TEX14: variants seen among roughly 807,000 people sequenced by gnomAD.
TEX14 encodes inactive serine/threonine-protein kinase TEX14.
A neutral mutation model predicts 178.6 loss-of-function variants in TEX14; 168 were observed. That is an observed-to-expected ratio of 0.94 (90% CI 0.83 to 1.07). The LOEUF (loss-of-function observed/expected upper bound fraction) is 1.07, where lower values mean the gene tolerates loss of function less well. TEX14 is among the 50% of genes least tolerant of loss of function. The pLI is 0.00. For synonymous variants in TEX14, 626 were observed against 634.1 expected (o/e 0.99, Z 0.19); for missense variants, 1,730 against 1,753.6 (o/e 0.99, Z 0.24).
At chr17:58,609,229 C>T (rs2045687553) in intron 10 of TEX14, among the ~76,000 whole-genome samples, 1 of 152,200 alleles carries the variant, frequency 6.6e-6, no homozygotes, top group Admixed American at 6.5e-5. Flanking sequence ...CCTGCCTCAG[C>T]CTCCCGAGTA....
intron 1 of TEX14, among the ~76,000 whole-genome samples, chr17:58,686,656 C>T (rs1329886157): frequency 1.3e-5 from 2 of 152,048 alleles, no homozygotes; most frequent in African/African-American, 2.4e-5. Context: ...TTCAAAGAGT[C>T]GTGGACAACA....
At chr17:58,561,449 TC>T in intron 29 of TEX14, 70 bp downstream of exon 29, 1 of 1,037,754 alleles carries the variant, frequency 9.6e-7, no homozygotes, top group Non-Finnish European at 1.5e-6. Context: ...GCATTCATTC[TC>T]CAAGAAGTCT....
chr17:58,668,233 C>T (rs1417186380), intron 1 of TEX14, among the ~76,000 whole-genome samples: 1 of 152,172 alleles, frequency 6.6e-6, no homozygotes, highest in Non-Finnish European at 1.5e-5. Flanking sequence ...TTCCCATTTG[C>T]CCATGCTGTA....
At position 58,588,006 on chromosome 17, in the gene TEX14, T is replaced by C; in HGVS notation, c.2592A>G (p.Arg864=). 1 of 1,221,156 alleles carries C rather than the reference T, an allele frequency of 8.2e-7. No individual in the cohort carries two copies. Among genetic ancestry groups the C allele is most frequent in the Non-Finnish European group, 1.2e-6 (1 of 821,582 alleles). 75.6% of individuals were successfully genotyped at this position (1,221,156 alleles called of 1,614,324 possible). A position where few individuals can be genotyped will look rare whatever the true frequency, so the allele number is the denominator to read the frequency against. ...TGGCTTTGGCTTGGGCAGTGGACTC[T>C]CTAGGTCTTCCCTGGCTAAGAAATG... ...IQNTSSQGRP[R]ESTAQAKATQ... The change falls in exon 16 of 32, where the codon AGA becomes AGG. Residue 864 remains arginine, a synonymous_variant. Coordinates refer to ENST00000349033, the MANE Select transcript of TEX14 (RefSeq NM_031272.5).
intron 26 of TEX14, among the ~76,000 whole-genome samples, chr17:58,568,654 A>G (rs779874693): frequency 2.6e-5 from 4 of 152,226 alleles, no homozygotes; most frequent in Non-Finnish European, 4.4e-5. Flanking sequence ...GGGCCAGCCA[A>G]TCAGCTGCAA....
chr17:58,610,276 T>C (rs527469064), intron 10 of TEX14, among the ~76,000 whole-genome samples: 2 of 152,218 alleles, frequency 1.3e-5, no homozygotes, highest in Admixed American at 1.3e-4. Context: ...ATTAGGCTCA[T>C]CAGCACCCAT....
chr17:58,613,056 G>C (rs2045783860), intron 9 of TEX14, among the ~76,000 whole-genome samples: 1 of 152,002 alleles, frequency 6.6e-6, no homozygotes, highest in African/African-American at 2.4e-5. Context: ...ACAAAAATTA[G>C]CCAGGCATAG....
chr17:58,587,673 TG>T lies in TEX14; in HGVS notation c.2703-8del. Reference sequence around the variant, plus strand: ...AACAGGTTCCACACTCATCCTGAATTGCACGGGTTTTTTGGAGGTAGGGGGA... The same window carrying T: ...AACAGGTTCCACACTCATCCTGAATTCACGGGTTTTTTGGAGGTAGGGGGA... On this transcript the variant is annotated splice_region_variant and splice_polypyrimidine_tract_variant and intron_variant, in intron 16 of 31. Transcript: ENST00000349033. 6.3e-7 allele frequency: 1 copy of T among 1,595,944 alleles called. No homozygotes were observed. Among genetic ancestry groups the T allele is most frequent in the Non-Finnish European group, 8.5e-7 (1 of 1,171,012 alleles).
intron 10 of TEX14, among the ~76,000 whole-genome samples, chr17:58,606,077 C>A (rs947271794): frequency 6.6e-6 from 1 of 152,182 alleles, no homozygotes; most frequent in Non-Finnish European, 1.5e-5. Flanking sequence ...AACTCCTGCC[C>A]TTTTGGGAAT....
At chr17:58,635,711 T>A (rs1598406515) in intron 2 of TEX14, among the ~76,000 whole-genome samples, 1 of 151,672 alleles carries the variant, frequency 6.6e-6, no homozygotes, top group African/African-American at 2.4e-5. Flanking sequence ...ATTACAGGCA[T>A]GAGCCACTGC....
intron 1 of TEX14, among the ~76,000 whole-genome samples, chr17:58,663,235 T>G (rs2047148675): frequency 6.6e-6 from 1 of 151,772 alleles, no homozygotes; most frequent in Non-Finnish European, 1.5e-5. Flanking sequence ...CCATCCTGAC[T>G]AACATGGAGA....
Position 58,616,165 on chromosome 17 carries a change from C to T in TEX14, c.767+10G>A. The T allele has an allele frequency of 6.2e-7, 1 of 1,609,234 alleles. No individual in the cohort carries two copies. Among genetic ancestry groups the T allele is most frequent in the Non-Finnish European group, 8.5e-7 (1 of 1,178,386 alleles). On this transcript the variant is annotated intron_variant, in intron 7 of 31. Coordinates refer to ENST00000349033, the MANE Select transcript of TEX14 (RefSeq NM_031272.5). Reference sequence around the variant, plus strand: ...TGAATCAGACCTCAAACTGGCCAGCCCCCACTTACTTGGTCATGACCATGT... The same window carrying T: ...TGAATCAGACCTCAAACTGGCCAGCTCCCACTTACTTGGTCATGACCATGT...
At chr17:58,571,235 C>CTT (rs11456555) in intron 24 of TEX14, among the ~76,000 whole-genome samples, 7,845 of 127,146 alleles carry the variant, frequency 0.062, 407 homozygotes, top group East Asian at 0.11. Flanking sequence ...CTTTTCTTTT[C>CTT]TTTTTTTTTT....
Position 58,570,479 on chromosome 17 carries a change from T to A in TEX14, c.3723A>T (p.Arg1241Ser). ...TPPSRLTGLKRLSSFIGAGSP... is the reference protein window; with the variant it reads ...TPPSRLTGLKSLSSFIGAGSP... The stretch of plus-strand genomic sequence containing the variant: ...ATCCAGCCCCAATAAATGAAGACAA[T>A]CTTTTCTATAAGGAAGAGATAAACA... Residue 1241 changes from arginine to serine, a missense_variant, in exon 25 of 32, where the codon AGA becomes AGT. By Grantham distance (110) the Arg-to-Ser change is moderately radical. This residue lies in a region of TEX14 where 941 missense variants were observed against 1,072.4 expected (regional missense o/e 0.88). Transcript: ENST00000349033. The A allele has an allele frequency of 1.3e-6, 2 of 1,524,944 alleles. No individual in the cohort carries two copies. Among genetic ancestry groups the A allele is most frequent in the Non-Finnish European group, 1.7e-6 (2 of 1,148,044 alleles). The allele number at this position is 1,524,944 out of a possible 1,614,324, so 94.5% of individuals were successfully genotyped here. A position where few individuals can be genotyped will look rare whatever the true frequency, so the allele number is the denominator to read the frequency against.
intron 8 of TEX14, 104 bp downstream of exon 8, chr17:58,615,128 G>C (rs2045841746): frequency 1.5e-6 from 1 of 656,236 alleles, no homozygotes; most frequent in Admixed American, 2.6e-5. Context: ...TGCTGAGACT[G>C]AGAGCAGCTG....
At chr17:58,676,218 A>G (rs2047392185) in intron 1 of TEX14, among the ~76,000 whole-genome samples, 1 of 152,170 alleles carries the variant, frequency 6.6e-6, no homozygotes, top group African/African-American at 2.4e-5. Context: ...TCTACTAAAA[A>G]TAAGAAAATT....
rs2045208793 is a variant in TEX14 at position 58,593,552 on chromosome 17, C to T, written c.2576+3G>A. ...CATTAAGAACAACAAAATGTTGACCCACCTACTGGTATTTTGGATCCTGCT... is the reference window on the plus strand; with the variant it reads ...CATTAAGAACAACAAAATGTTGACCTACCTACTGGTATTTTGGATCCTGCT... On this transcript the variant is annotated splice_donor_region_variant and intron_variant, in intron 15 of 31. Transcript: ENST00000349033. 3.1e-6 allele frequency: 5 copies of T among 1,610,712 alleles called. No homozygotes were observed. Among genetic ancestry groups the T allele is most frequent in the Non-Finnish European group, 4.2e-6 (5 of 1,177,012 alleles).
intron 26 of TEX14, among the ~76,000 whole-genome samples, chr17:58,566,565 G>T (rs1455391867): frequency 6.6e-6 from 1 of 152,130 alleles, no homozygotes; most frequent in Non-Finnish European, 1.5e-5. Flanking sequence ...TTGGGAGGCC[G>T]AGGCAGGGGG....
In TEX14 at chr17:58,606,112, G is replaced by A. The variant is rs1412717835; in HGVS notation, c.1185-983C>T. 2.0e-5 allele frequency among the ~76,000 whole-genome samples: 3 copies of A among 152,264 alleles called. No homozygotes were observed. The East Asian group carries it at 5.8e-4, about 29-fold the overall frequency. ...TGTGTCCTCTCAGTTTAGCACTCAAGGGTTCACTCATATGCTTAAATAACT... is the reference window on the plus strand; with the variant it reads ...TGTGTCCTCTCAGTTTAGCACTCAAAGGTTCACTCATATGCTTAAATAACT... On this transcript the variant is annotated intron_variant, in intron 10 of 31. Transcript: ENST00000349033.
Sources: allele counts gnomAD v4.1 joint callset (sites outside exome capture counted in the v4.1 genomes callset), GRCh38; gene constraint gnomAD v4.1.1; regional missense constraint gnomAD v4.1.1; transcripts MANE v1.5; gene names NCBI Gene and HGNC (gene_info 2026-07-23, HGNC 2026-07-21).